CEP97: variants seen among roughly 807,000 people sequenced by gnomAD.
CEP97 encodes the protein centrosomal protein 97.
Under a neutral mutation model 73.1 loss-of-function variants are expected in CEP97, and 43 were observed. The ratio of observed to expected loss-of-function variants is 0.59; its 90% CI spans 0.46 to 0.76. The LOEUF (loss-of-function observed/expected upper bound fraction) is 0.76, where lower values mean the gene tolerates loss of function less well. CEP97 is among the 30% of genes least tolerant of loss of function. CEP97 has a pLI of 0.00. For synonymous variants in CEP97, 337 were observed against 370.0 expected (o/e 0.91, Z 1.02); for missense variants, 939 against 1,014.0 (o/e 0.93, Z 1.00).
chr3:101,743,081 A>C (rs1938507189), intron 6 of CEP97, among the ~76,000 whole-genome samples: 1 of 151,758 alleles, frequency 6.6e-6, no homozygotes, highest in African/African-American at 2.4e-5. Context: ...CTGTCTCTAC[A>C]AAAAAATACA....
At chr3:101,755,837 T>C (rs1938989079) in intron 7 of CEP97, among the ~76,000 whole-genome samples, 2 of 152,154 alleles carry the variant, frequency 1.3e-5, no homozygotes, top group Non-Finnish European at 2.9e-5. Context: ...TCTCTTGGTC[T>C]GTGAGTACAG....
chr3:101,764,113 C>T (rs1939243713), intron 10 of CEP97, among the ~76,000 whole-genome samples: 1 of 152,164 alleles, frequency 6.6e-6, no homozygotes, highest in Non-Finnish European at 1.5e-5. Context: ...CAGTTTCTAG[C>T]TCCAGTTCTG....
rs115478375 is a variant in CEP97, at chr3:101,727,045, G to A, written c.186+309G>A. ...CCTTCATTCAAGAAATGGTTACTGC[G>A]TCCCTCTTATATGTCTGGCACTGTA... On this transcript the variant is annotated intron_variant, in intron 2 of 10. Coordinates refer to ENST00000341893, the MANE Select transcript of CEP97 (RefSeq NM_024548.4). 3.1e-3 allele frequency among the ~76,000 whole-genome samples: 477 copies of A among 152,252 alleles called. 1 individual carries two copies. The highest frequency in any genetic ancestry group is 5.5e-3 in the Non-Finnish European group (375 of 68,022).
At chr3:101,726,894 G>A (rs554532197) in intron 2 of CEP97, among the ~76,000 whole-genome samples, 158 bp downstream of exon 2, 2 of 152,166 alleles carry the variant, frequency 1.3e-5, no homozygotes, top group African/African-American at 4.8e-5. Flanking sequence ...GAACATACAT[G>A]TACTACATTG....
At chr3:101,763,284 T>C (rs1381681648) in intron 10 of CEP97, 1 of 963,762 alleles carries the variant, frequency 1.0e-6, no homozygotes, top group East Asian at 6.8e-5. Flanking sequence ...TTACCAACAA[T>C]AGAGGAATGG....
At chr3:101,744,467 C>T (rs1938553714) in intron 6 of CEP97, among the ~76,000 whole-genome samples, 1 of 151,656 alleles carries the variant, frequency 6.6e-6, no homozygotes, top group Non-Finnish European at 1.5e-5. Context: ...CCTGTAATTC[C>T]AGCTACTTGG....
At chr3:101,748,545 C>T (rs2107167182) in intron 6 of CEP97, among the ~76,000 whole-genome samples, 1 of 152,206 alleles carries the variant, frequency 6.6e-6, no homozygotes, top group Middle Eastern at 3.4e-3. Context: ...TTCAACATGC[C>T]ATTTGTTTGG....
intron 8 of CEP97, 124 bp from the exon 9 acceptor site, chr3:101,757,510 G>T: frequency 2.3e-6 from 2 of 863,824 alleles, no homozygotes; most frequent in African/African-American, 1.7e-5. Flanking sequence ...TCGGCATATT[G>T]GAAGAAGTCA....
chr3:101,752,911 G>A (rs1279840648), intron 6 of CEP97, among the ~76,000 whole-genome samples: 24 of 152,248 alleles, frequency 1.6e-4, no homozygotes, highest in East Asian at 5.8e-4. Context: ...GTCATTCTCC[G>A]TCCAGCTTTG....
At chr3:101,733,805 C>T (rs1391473154) in intron 6 of CEP97, among the ~76,000 whole-genome samples, 2 of 152,036 alleles carry the variant, frequency 1.3e-5, no homozygotes, top group African/African-American at 2.4e-5. Flanking sequence ...GCTGGGATTA[C>T]AGGCGTGAGC....
At position 101,767,845 on chromosome 3, in the gene CEP97, A is replaced by G. The variant is rs1426180589; in HGVS notation, c.*2294A>G. On this transcript the variant is annotated 3_prime_UTR_variant, in exon 11 of 11. Transcript: ENST00000341893. ...ATTATCTTGAATGTAGATAAAATGA[A>G]AATACTGTAAATTAGAGTGTAGGAA... 1 of 152,252 alleles carries G rather than the reference A, an allele frequency of 6.6e-6. No homozygotes were observed. The highest frequency in any genetic ancestry group is 1.5e-5 in the Non-Finnish European group (1 of 68,048). 9.4% of individuals were successfully genotyped at this position (152,252 alleles called of 1,614,324 possible).
rs561910692 is a variant in CEP97 at position 101,737,372 on chromosome 3, AC to A, written c.728+4722del. Among the ~76,000 whole-genome samples, 7 of 152,274 alleles carry A rather than the reference AC, an allele frequency of 4.6e-5. No individual in the cohort carries two copies. In the South Asian group the frequency reaches 1.0e-3, roughly 23 times the overall value. ...ACAAAGATACTCCTCGAGAAGAGCA[AC>A]CCCAAGACACATAATTGCCAGATTC... On this transcript the variant is annotated intron_variant, in intron 6 of 10. Coordinates refer to ENST00000341893, the MANE Select transcript of CEP97 (RefSeq NM_024548.4).
At chr3:101,762,737 A>C (rs1576702417) in intron 10 of CEP97, among the ~76,000 whole-genome samples, 177 bp downstream of exon 10, 1 of 152,206 alleles carries the variant, frequency 6.6e-6, no homozygotes, top group Non-Finnish European at 1.5e-5. Flanking sequence ...CATTTTATTT[A>C]ATCTGAAGAA....
chr3:101,726,382 G>A (rs1937889503), intron 1 of CEP97, among the ~76,000 whole-genome samples: 1 of 152,158 alleles, frequency 6.6e-6, no homozygotes, highest in African/African-American at 2.4e-5. Flanking sequence ...CACACGTCTA[G>A]TTTTAATTTG....
chr3:101,729,463 A>G (rs1938023154), intron 4 of CEP97, among the ~76,000 whole-genome samples: 1 of 152,202 alleles, frequency 6.6e-6, no homozygotes, highest in Non-Finnish European at 1.5e-5. Context: ...TTTATTTACC[A>G]TTCTCTGAAC....
chr3:101,751,182 A>C (rs929712833), intron 6 of CEP97, among the ~76,000 whole-genome samples: 1 of 152,186 alleles, frequency 6.6e-6, no homozygotes, highest in Non-Finnish European at 1.5e-5. Context: ...CCAGTAGTCA[A>C]TCTGGAGCAG....
chr3:101,744,218 A>C (rs1223566129), intron 6 of CEP97, among the ~76,000 whole-genome samples: 1 of 152,104 alleles, frequency 6.6e-6, no homozygotes, highest in Non-Finnish European at 1.5e-5. Flanking sequence ...AGACATGTAC[A>C]TGCATTTTCA....
chr3:101,756,965 T>C (rs1224002587), intron 7 of CEP97, 98 bp from the exon 8 acceptor site: 9 of 1,157,408 alleles, frequency 7.8e-6, no homozygotes, highest in Non-Finnish European at 1.1e-5. Flanking sequence ...CTTTGAGAAC[T>C]TGTAAACTTC....
In CEP97 at chr3:101,750,950, G is replaced by A. The variant is rs1220621268; in HGVS notation, c.729-4480G>A. Among the ~76,000 whole-genome samples, 5 of 152,098 alleles carry A rather than the reference G, an allele frequency of 3.3e-5. No individual in the cohort carries two copies. In the East Asian group the frequency reaches 9.6e-4, roughly 29 times the overall value. ...TGATGTTAGTTATTTCTTGCCTTCT[G>A]CTAGCTTTTGAATGTGTTTGCTCTT... is the stretch of plus-strand genomic sequence containing the variant. On this transcript the variant is annotated intron_variant, in intron 6 of 10. Coordinates refer to ENST00000341893, the MANE Select transcript of CEP97 (RefSeq NM_024548.4).
Sources: allele counts gnomAD v4.1 joint callset (sites outside exome capture counted in the v4.1 genomes callset), GRCh38; gene constraint gnomAD v4.1.1; transcripts MANE v1.5; gene names NCBI Gene and HGNC (gene_info 2026-07-23, HGNC 2026-07-21).